NUDCD1: variants seen among roughly 807,000 people sequenced by gnomAD.
NUDCD1 encodes NudC domain containing 1.
NUDCD1 carries 60 observed loss-of-function variants against 67.8 expected under a neutral mutation model. The ratio of observed to expected loss-of-function variants is 0.88; its 90% confidence interval spans 0.72 to 1.10. The LOEUF (loss-of-function observed/expected upper bound fraction) is 1.10. Among genes scored for constraint, NUDCD1 ranks in the 50% least tolerant of loss-of-function variants. The pLI is 0.00. For missense variants in NUDCD1, 643 were observed against 695.0 expected (o/e 0.93, Z 0.84); for synonymous variants, 244 against 230.8 (o/e 1.06, Z -0.52).
intron 5 of NUDCD1, among the ~76,000 whole-genome samples, chr8:109,287,580 C>T (rs1168965117): frequency 6.6e-6 from 1 of 152,084 alleles, no homozygotes; most frequent in Non-Finnish European, 1.5e-5. Flanking sequence ...TAAGTGTGAG[C>T]TAAACACTGG....
intron 8 of NUDCD1, among the ~76,000 whole-genome samples, chr8:109,251,774 TAC>T (rs1454598864): frequency 6.6e-6 from 1 of 152,088 alleles, no homozygotes; most frequent in Non-Finnish European, 1.5e-5. Context: ...CTTTTATCCT[TAC>T]AGTGTTCTTC....
In NUDCD1 at chr8:109,269,658, A is replaced by C. The variant is rs1272998877; in HGVS notation, c.1299+1347T>G. 1.1e-4 allele frequency among the ~76,000 whole-genome samples: 17 copies of C among 152,190 alleles called. No individual in the cohort carries two copies. In the South Asian group the frequency reaches 3.5e-3, roughly 32 times the overall value. On this transcript the variant is annotated intron_variant, in intron 8 of 9. Coordinates refer to ENST00000239690, the MANE Select transcript of NUDCD1 (RefSeq NM_032869.4). The stretch of plus-strand genomic sequence containing the variant: ...CAGACATTTTTCAGGTTTTTCTTGA[A>C]AACAGAACCTTTGAAACCTGTATCA...
rs1415316007 is a variant in NUDCD1 at position 109,241,075 on chromosome 8, T to C, written c.*1934A>G. On this transcript the variant is annotated 3_prime_UTR_variant, in exon 10 of 10. Coordinates refer to ENST00000239690, the MANE Select transcript of NUDCD1 (RefSeq NM_032869.4). ...TAAGTATATGTACCTTAGAACATTG[T>C]TTAAATGTTTATGGAATCCCTGAAG... The C allele has an allele frequency of 1.3e-5, 2 of 152,088 alleles. No homozygotes were observed. Among genetic ancestry groups the C allele is most frequent in the Non-Finnish European group, 1.5e-5 (1 of 68,004 alleles). 9.4% of individuals were successfully genotyped at this position (152,088 alleles called of 1,614,324 possible).
At position 109,245,496 on chromosome 8, in the gene NUDCD1, A is replaced by T. The variant is rs772869821; in HGVS notation, c.1300-15T>A. On this transcript the variant is annotated splice_polypyrimidine_tract_variant and intron_variant, in intron 8 of 9. Coordinates refer to ENST00000239690, the MANE Select transcript of NUDCD1 (RefSeq NM_032869.4). ...CCAAGATTCACCTAAAAAGTGATTT[A>T]AAAAAAAATTTACTCAACAACAAAT... The T allele has an allele frequency of 4.2e-5, 65 of 1,560,102 alleles. No homozygotes were observed. In the South Asian group the frequency reaches 5.6e-4, roughly 13 times the overall value.
At chr8:109,322,699 A>G (rs1280549359) in intron 1 of NUDCD1, among the ~76,000 whole-genome samples, 1 of 152,194 alleles carries the variant, frequency 6.6e-6, no homozygotes, top group Non-Finnish European at 1.5e-5. Flanking sequence ...TACAGCGGCC[A>G]CAGGAGATAG....
chr8:109,323,232 C>G (rs979259452), intron 1 of NUDCD1, among the ~76,000 whole-genome samples: 4 of 152,128 alleles, frequency 2.6e-5, no homozygotes, highest in African/African-American at 9.7e-5. Context: ...CAATATCCTA[C>G]CCTAATATAA....
intron 2 of NUDCD1, chr8:109,313,740 A>G (rs78714120): frequency 0.11 from 50,980 of 485,418 alleles, 3,709 homozygotes; most frequent in South Asian, 0.24. Context: ...TTGTTAAATT[A>G]CTATTCTTCA....
chr8:109,270,090 A>AGGGGGGGGGGGGGGGAGGGGG (rs1563665962), intron 8 of NUDCD1, among the ~76,000 whole-genome samples: 1 of 7,612 alleles, frequency 1.3e-4, no homozygotes, highest in Non-Finnish European at 2.5e-4. Flanking sequence ...GGGTGCCTTA[A>AGGGGGGGGGGGGGGGAGGGGG]GGTGGGGTGT....
At chr8:109,271,425 C>T (rs73700848) in intron 7 of NUDCD1, among the ~76,000 whole-genome samples, 3,157 of 152,178 alleles carry the variant, frequency 0.021, 104 homozygotes, top group African/African-American at 0.071. Flanking sequence ...TATAAAAACA[C>T]AAATCTGAAA....
chr8:109,311,301 G>A (rs961469647), intron 2 of NUDCD1, among the ~76,000 whole-genome samples: 1 of 152,092 alleles, frequency 6.6e-6, no homozygotes, highest in Non-Finnish European at 1.5e-5. Flanking sequence ...TGTGAACAGG[G>A]AACACTTCTG....
chr8:109,253,419 T>C (rs541544251), intron 8 of NUDCD1, among the ~76,000 whole-genome samples: 10 of 152,134 alleles, frequency 6.6e-5, no homozygotes, highest in Non-Finnish European at 1.5e-4. Context: ...AAGAGGCAAA[T>C]AGATCGCCTG....
intron 1 of NUDCD1, among the ~76,000 whole-genome samples, 198 bp from the exon 2 acceptor site, chr8:109,322,661 T>C (rs559194806): frequency 3.9e-5 from 6 of 152,224 alleles, no homozygotes; most frequent in African/African-American, 1.4e-4. Context: ...AAAACTGATA[T>C]GGTCCCACGT....
intron 7 of NUDCD1, among the ~76,000 whole-genome samples, chr8:109,274,460 G>A (rs911989959): frequency 5.0e-4 from 76 of 152,236 alleles, no homozygotes; most frequent in African/African-American, 1.7e-3. Flanking sequence ...CTGAATGAGC[G>A]AATATAAGGC....
At chr8:109,273,319 G>A (rs1814201927) in intron 7 of NUDCD1, among the ~76,000 whole-genome samples, 1 of 151,958 alleles carries the variant, frequency 6.6e-6, no homozygotes, top group Non-Finnish European at 1.5e-5. Flanking sequence ...AATAAACATG[G>A]AATAAATCAG....
intron 2 of NUDCD1, among the ~76,000 whole-genome samples, chr8:109,308,456 G>A (rs1815162763): frequency 6.6e-6 from 1 of 151,772 alleles, no homozygotes; most frequent in South Asian, 2.1e-4. Context: ...AAAACCAGCA[G>A]AAGAAAGAAA....
intron 2 of NUDCD1, among the ~76,000 whole-genome samples, chr8:109,313,303 T>G (rs1294933403): frequency 6.6e-6 from 1 of 152,132 alleles, no homozygotes; most frequent in African/African-American, 2.4e-5. Flanking sequence ...AAATAATTGT[T>G]AAATATACTA....
Position 109,329,294 on chromosome 8 carries a change from A to T in NUDCD1, c.118+4599T>A, listed in dbSNP as rs188489147. On this transcript the variant is annotated intron_variant, in intron 1 of 9. Transcript: ENST00000239690. ...GTCTTCAAAGGAGAAAAGGAGGGGAAAAAGTTGGAAGAAATAATAGCCAAA... is the reference window on the plus strand; with the variant it reads ...GTCTTCAAAGGAGAAAAGGAGGGGATAAAGTTGGAAGAAATAATAGCCAAA... Among the ~76,000 whole-genome samples the T allele has an allele frequency of 1.3e-4, 20 of 152,308 alleles. 1 individual carries two copies. The East Asian group carries it at 2.1e-3, about 16-fold the overall frequency.
chr8:109,324,056 T>C (rs1160480567), intron 1 of NUDCD1, among the ~76,000 whole-genome samples: 2 of 152,106 alleles, frequency 1.3e-5, no homozygotes, highest in African/African-American at 4.8e-5. Flanking sequence ...AATGGGATTA[T>C]ATTTAACTAA....
At chr8:109,272,253 A>G (rs566047618) in intron 7 of NUDCD1, among the ~76,000 whole-genome samples, 3 of 151,654 alleles carry the variant, frequency 2.0e-5, no homozygotes, top group East Asian at 1.9e-4. Flanking sequence ...AATGTAAGAC[A>G]ACAATAATAC....
Sources: allele counts gnomAD v4.1 joint callset (sites outside exome capture counted in the v4.1 genomes callset), GRCh38; gene constraint gnomAD v4.1.1; transcripts MANE v1.5; gene names NCBI Gene and HGNC (gene_info 2026-07-23, HGNC 2026-07-21).